Variants in LRRC7 observed in about 807,000 individuals in gnomAD.
LRRC7 encodes the protein leucine-rich repeat-containing protein 7.
A neutral mutation model predicts 175.7 loss-of-function variants in LRRC7; 23 were observed. The observed-to-expected ratio is 0.13, with a 90% CI of 0.09 to 0.19. The LOEUF (loss-of-function observed/expected upper bound fraction) is 0.19. Ranked by LOEUF, LRRC7 falls within the 10% of genes least tolerant of loss-of-function variation. The pLI is 1.00. For synonymous variants in LRRC7, 685 were observed against 680.9 expected (o/e 1.01, Z -0.09); for missense variants, 1,354 against 1,904.7 (o/e 0.71, Z 5.38).
intron 1 of LRRC7, among the ~76,000 whole-genome samples, chr1:69,631,911 C>T (rs1316252092): frequency 2.6e-5 from 4 of 152,052 alleles, no homozygotes; most frequent in Non-Finnish European, 5.9e-5. Flanking sequence ...ATGTCTGTTT[C>T]CTACTCATAT....
At chr1:69,722,784 CT>C (rs1429907558) in intron 2 of LRRC7, among the ~76,000 whole-genome samples, 1 of 151,818 alleles carries the variant, frequency 6.6e-6, no homozygotes, top group Non-Finnish European at 1.5e-5. Context: ...TATTCTTTGA[CT>C]TTTTTTATTG....
At chr1:69,692,816 T>C (rs1302598262) in intron 2 of LRRC7, among the ~76,000 whole-genome samples, 1 of 152,142 alleles carries the variant, frequency 6.6e-6, no homozygotes, top group African/African-American at 2.4e-5. Context: ...TATTTCCAGG[T>C]GTGTCTATGC....
At chr1:69,933,605 T>C (rs1647618613) in intron 8 of LRRC7, among the ~76,000 whole-genome samples, 1 of 152,200 alleles carries the variant, frequency 6.6e-6, no homozygotes, top group Non-Finnish European at 1.5e-5. Context: ...TTCTCTATCT[T>C]ATAGGCTTTT....
chr1:69,701,323 T>C (rs1663323279), intron 2 of LRRC7, among the ~76,000 whole-genome samples: 1 of 152,116 alleles, frequency 6.6e-6, no homozygotes, highest in African/African-American at 2.4e-5. Context: ...CATAGAATAT[T>C]GTGCTGTTCA....
intron 1 of LRRC7, among the ~76,000 whole-genome samples, chr1:69,623,082 GA>G (rs1263545024): frequency 6.6e-6 from 1 of 152,092 alleles, no homozygotes; most frequent in Non-Finnish European, 1.5e-5. Context: ...AGAAGGGAGA[GA>G]AAAAGCCTTT....
intron 3 of LRRC7, among the ~76,000 whole-genome samples, chr1:69,788,716 C>G (rs1674780414): frequency 6.6e-6 from 1 of 152,058 alleles, no homozygotes; most frequent in Admixed American, 6.6e-5. Context: ...TCACACCTTT[C>G]CTAGAGATAC....
At chr1:70,113,082 A>G (rs916628499) in intron 26 of LRRC7, among the ~76,000 whole-genome samples, 1 of 152,224 alleles carries the variant, frequency 6.6e-6, no homozygotes, top group African/African-American at 2.4e-5. Flanking sequence ...TTCAAGGCTC[A>G]GAATGGGAGA....
At chr1:70,006,210 T>C (rs1655979327) in intron 11 of LRRC7, among the ~76,000 whole-genome samples, 1 of 152,174 alleles carries the variant, frequency 6.6e-6, no homozygotes, top group South Asian at 2.1e-4. Flanking sequence ...AACCCAAAGA[T>C]GTAAAATACT....
intron 22 of LRRC7, among the ~76,000 whole-genome samples, chr1:70,046,684 C>G (rs1660356809): frequency 6.6e-6 from 1 of 152,110 alleles, no homozygotes; most frequent in Non-Finnish European, 1.5e-5. Flanking sequence ...ATGCAGGAAC[C>G]TTATCAGGCA....
At chr1:69,815,854 C>T (rs538581172) in intron 4 of LRRC7, among the ~76,000 whole-genome samples, 1 of 152,270 alleles carries the variant, frequency 6.6e-6, no homozygotes, top group East Asian at 1.9e-4. Flanking sequence ...GCATATGGCC[C>T]ATAGTGTTCT....
chr1:69,725,049 G>C (rs1316001055), intron 2 of LRRC7, among the ~76,000 whole-genome samples: 1 of 151,704 alleles, frequency 6.6e-6, no homozygotes, highest in Non-Finnish European at 1.5e-5. Flanking sequence ...AATACCCGCT[G>C]TTTACTGGAC....
At chr1:69,577,647 C>T (rs1277421123) in intron 1 of LRRC7, among the ~76,000 whole-genome samples, 1 of 152,054 alleles carries the variant, frequency 6.6e-6, no homozygotes, top group African/African-American at 2.4e-5. Context: ...ATCCTTTCCC[C>T]ATTGCTTGTT....
In LRRC7 at chr1:69,585,050, T is replaced by A. The variant is rs1254581430; in HGVS notation, c.2+16409T>A. ...ATACAAAATGTTCCATCCATGTTCA[T>A]TGATTGTAAACTGCTAGACTGATAC... On this transcript the variant is annotated intron_variant, in intron 1 of 26. Transcript: ENST00000651989. 9.2e-5 allele frequency among the ~76,000 whole-genome samples: 14 copies of A among 152,334 alleles called. 2 individuals carry two copies. Among genetic ancestry groups the A allele is most frequent in the Admixed American group, 5.9e-4 (9 of 15,294 alleles).
At chr1:70,103,669 A>G (rs899318156) in intron 25 of LRRC7, among the ~76,000 whole-genome samples, 1 of 152,208 alleles carries the variant, frequency 6.6e-6, no homozygotes, top group Non-Finnish European at 1.5e-5. Flanking sequence ...GTTTTAAGCC[A>G]CTAGGTTTAT....
intron 26 of LRRC7, among the ~76,000 whole-genome samples, chr1:70,118,347 A>C (rs1387383698): frequency 6.6e-6 from 1 of 152,128 alleles, no homozygotes; most frequent in East Asian, 1.9e-4. Context: ...CCACTCAAAA[A>C]AAAAAAATGG....
At chr1:70,110,719 G>A (rs1020181986) in intron 26 of LRRC7, among the ~76,000 whole-genome samples, 1 of 151,876 alleles carries the variant, frequency 6.6e-6, no homozygotes, top group Non-Finnish European at 1.5e-5. Flanking sequence ...TTTCAATAAA[G>A]GAAAAAGTAC....
At chr1:69,888,970 G>A (rs1645748201) in intron 7 of LRRC7, among the ~76,000 whole-genome samples, 1 of 152,074 alleles carries the variant, frequency 6.6e-6, no homozygotes, top group Admixed American at 6.5e-5. Context: ...AGCAAATATT[G>A]CAATGAAACT....
intron 6 of LRRC7, among the ~76,000 whole-genome samples, chr1:69,837,020 A>G (rs929401507): frequency 3.3e-5 from 5 of 151,926 alleles, no homozygotes; most frequent in Non-Finnish European, 7.4e-5. Context: ...TCTGTTCTAA[A>G]GTAGCTTCAT....
At chr1:70,106,097 T>C (rs1571338993) in intron 25 of LRRC7, among the ~76,000 whole-genome samples, 1 of 152,264 alleles carries the variant, frequency 6.6e-6, no homozygotes, top group Admixed American at 6.5e-5. Context: ...AGCAAGAATA[T>C]CAAAATATTG....
Sources: allele counts gnomAD v4.1 joint callset (sites outside exome capture counted in the v4.1 genomes callset), GRCh38; gene constraint gnomAD v4.1.1; transcripts MANE v1.5; gene names NCBI Gene and HGNC (gene_info 2026-07-23, HGNC 2026-07-21).